RELL1: variants seen among roughly 807,000 people sequenced by gnomAD.
RELL1 encodes RELT like 1, also known as RELT-like protein 1.
RELL1 carries 10 observed loss-of-function variants against 23.0 expected under a neutral mutation model. The ratio of observed to expected loss-of-function variants is 0.43; its 90% confidence interval spans 0.27 to 0.74. The LOEUF is 0.74. Among genes scored for constraint, RELL1 ranks in the 30% least tolerant of loss-of-function variants. RELL1 has a pLI of 0.19. For synonymous variants in RELL1, 146 were observed against 146.8 expected (o/e 0.99, Z 0.04); for missense variants, 315 against 364.4 (o/e 0.86, Z 1.10).
intron 3 of RELL1, among the ~76,000 whole-genome samples, chr4:37,644,376 T>C (rs1720626706): frequency 6.6e-6 from 1 of 151,966 alleles, no homozygotes; most frequent in Non-Finnish European, 1.5e-5. Flanking sequence ...TGGGTCGCTG[T>C]TTCCTAATCT....
intron 6 of RELL1, among the ~76,000 whole-genome samples, chr4:37,622,561 G>A (rs1041724080): frequency 2.0e-5 from 3 of 152,064 alleles, no homozygotes; most frequent in Non-Finnish European, 4.4e-5. Context: ...GACAGTAAAG[G>A]AATGAGCTAT....
At chr4:37,630,597 C>T (rs1303342207) in intron 6 of RELL1, among the ~76,000 whole-genome samples, 1 of 151,846 alleles carries the variant, frequency 6.6e-6, no homozygotes, top group Admixed American at 6.6e-5. Context: ...GATCTCCTGA[C>T]CTCATGATCC....
chr4:37,668,028 TA>T (rs1220273775), intron 1 of RELL1, among the ~76,000 whole-genome samples: 1 of 152,060 alleles, frequency 6.6e-6, no homozygotes, highest in Non-Finnish European at 1.5e-5. Flanking sequence ...CCAGTTTTTA[TA>T]AGAAAAAAAA....
At chr4:37,615,638 C>T (rs907002249) in intron 6 of RELL1, among the ~76,000 whole-genome samples, 1 of 152,094 alleles carries the variant, frequency 6.6e-6, no homozygotes, top group Non-Finnish European at 1.5e-5. Context: ...TATCTCTCTT[C>T]GGGAGAAATT....
At chr4:37,646,968 TC>T (rs1411486878) in intron 3 of RELL1, among the ~76,000 whole-genome samples, 2 of 152,024 alleles carry the variant, frequency 1.3e-5, no homozygotes, top group African/African-American at 4.8e-5. Context: ...CAAGTAATCC[TC>T]CCACCTCAGC....
intron 1 of RELL1, among the ~76,000 whole-genome samples, chr4:37,664,786 C>T (rs1169308285): frequency 6.6e-6 from 1 of 151,898 alleles, no homozygotes; most frequent in Non-Finnish European, 1.5e-5. Flanking sequence ...AATCAGTGGC[C>T]TACATGATAT....
chr4:37,593,550 C>A (rs970865223), intron 6 of RELL1, among the ~76,000 whole-genome samples: 2 of 152,206 alleles, frequency 1.3e-5, no homozygotes, highest in African/African-American at 4.8e-5. Flanking sequence ...TATAATTCAT[C>A]CCTTCCACAT....
At chr4:37,686,110 C>G (rs1386173280) in intron 1 of RELL1, 90 bp downstream of exon 1, 1 of 1,119,056 alleles carries the variant, frequency 8.9e-7, no homozygotes, top group Non-Finnish European at 1.3e-6. Context: ...AGCAGGACGC[C>G]GCGGGGCTGC....
Position 37,642,654 on chromosome 4 carries a change from A to G in RELL1, c.386-4150T>C, listed in dbSNP as rs536458010. Among the ~76,000 whole-genome samples, 3 of 152,294 alleles carry G rather than the reference A, an allele frequency of 2.0e-5. No individual in the cohort carries two copies. In the South Asian group the frequency reaches 6.2e-4, roughly 32 times the overall value. ...ACCTTTTGATCACACCTGGGTTTACACTAATGCGGTGACTTGGGGTGGAGC... is the reference window on the plus strand; with the variant it reads ...ACCTTTTGATCACACCTGGGTTTACGCTAATGCGGTGACTTGGGGTGGAGC... On this transcript the variant is annotated intron_variant, in intron 3 of 6. Coordinates refer to ENST00000454158, the MANE Select transcript of RELL1 (RefSeq NM_001085400.2).
chr4:37,608,499 T>G (rs61373314), downstream of RELL1, among the ~76,000 whole-genome samples: 19,654 of 152,116 alleles, frequency 0.13, 1,421 homozygotes, highest in East Asian at 0.28. Context: ...AACATTCCCT[T>G]AAGCCCAAGC....
intron 1 of RELL1, among the ~76,000 whole-genome samples, chr4:37,677,977 C>CT (rs1722073480): frequency 6.6e-6 from 1 of 152,034 alleles, no homozygotes; most frequent in African/African-American, 2.4e-5. Context: ...CTTGTCCCCC[C>CT]AAAAAAGAAA....
intron 1 of RELL1, among the ~76,000 whole-genome samples, chr4:37,669,033 C>A (rs1376141986): frequency 7.3e-6 from 1 of 136,922 alleles, no homozygotes; most frequent in Non-Finnish European, 1.5e-5. Flanking sequence ...GCCTGGCCAG[C>A]CGCCCCGTCC....
At chr4:37,593,426 CT>C (rs1293212700) in intron 6 of RELL1, among the ~76,000 whole-genome samples, 1 of 152,174 alleles carries the variant, frequency 6.6e-6, no homozygotes, top group Non-Finnish European at 1.5e-5. Context: ...CTCAAGATCA[CT>C]TTGTAGTCCA....
intron 3 of RELL1, among the ~76,000 whole-genome samples, chr4:37,642,741 C>A (rs1241070124): frequency 6.6e-6 from 1 of 152,196 alleles, no homozygotes; most frequent in African/African-American, 2.4e-5. Context: ...AGGGTTGGAA[C>A]TTTCAGCCCT....
downstream of RELL1, among the ~76,000 whole-genome samples, chr4:37,607,619 G>A (rs562148104): frequency 3.5e-4 from 48 of 137,124 alleles, no homozygotes; most frequent in South Asian, 4.3e-3. Flanking sequence ...TTGCTCTGTC[G>A]CCCAGGCAGG....
At chr4:37,657,282 G>A (rs900846915) in intron 1 of RELL1, among the ~76,000 whole-genome samples, 2 of 152,174 alleles carry the variant, frequency 1.3e-5, no homozygotes, top group African/African-American at 2.4e-5. Context: ...TGAAATGGAC[G>A]GCAAGATGCA....
At chr4:37,640,919 G>A (rs1421296469) in intron 3 of RELL1, among the ~76,000 whole-genome samples, 2 of 152,070 alleles carry the variant, frequency 1.3e-5, no homozygotes, top group African/African-American at 2.4e-5. Context: ...ACACCAATAG[G>A]TATTAAAACA....
intron 1 of RELL1, among the ~76,000 whole-genome samples, chr4:37,650,449 AT>A (rs1302950018): frequency 2.0e-5 from 3 of 152,222 alleles, no homozygotes; most frequent in Non-Finnish European, 4.4e-5. Flanking sequence ...AGCCCCTGCC[AT>A]CTTGAGGCTC....
chr4:37,600,147 G>A (rs910072934), intron 6 of RELL1, among the ~76,000 whole-genome samples: 3 of 151,986 alleles, frequency 2.0e-5, no homozygotes, highest in Non-Finnish European at 4.4e-5. Flanking sequence ...GTGCACACCT[G>A]TAATCCCAGC....
Sources: gnomAD v4.1 joint callset for allele counts (sites outside exome capture counted in the v4.1 genomes callset) on GRCh38, gnomAD v4.1.1 for gene constraint, MANE v1.5 for transcripts, NCBI Gene and HGNC (gene_info 2026-07-23, HGNC 2026-07-21) for gene names.